Variants in PFKM observed in about 807,000 individuals in gnomAD.
PFKM encodes the protein phosphofructokinase, muscle, also known as ATP-dependent 6-phosphofructokinase, muscle type.
A neutral mutation model predicts 95.5 loss-of-function variants in PFKM; 58 were observed. The observed-to-expected ratio is 0.61, with a 90% CI of 0.49 to 0.76. PFKM has a LOEUF of 0.76. Ranked by LOEUF, PFKM falls within the 30% of genes least tolerant of loss-of-function variation. The probability of loss-of-function intolerance (pLI) is 0.00; values close to 1 mark genes in which losing one functional copy is unlikely to be tolerated. For synonymous variants in PFKM, 336 were observed against 357.2 expected (o/e 0.94, Z 0.67); for missense variants, 678 against 1,005.4 (o/e 0.67, Z 4.40).
chr12:48,117,576 G>A (rs1947781167), upstream of PFKM, among the ~76,000 whole-genome samples: 1 of 152,230 alleles, frequency 6.6e-6, no homozygotes, highest in Admixed American at 6.5e-5. Context: ...GTTCGCTAAT[G>A]ACATATGATG....
At chr12:48,126,348 G>C (rs2137976758) in intron 2 of PFKM, among the ~76,000 whole-genome samples, 1 of 152,268 alleles carries the variant, frequency 6.6e-6, no homozygotes, top group African/African-American at 2.4e-5. Flanking sequence ...TAGGGAACTA[G>C]GGGTTTGAGG....
chr12:48,128,231 C>T (rs1295808720), intron 2 of PFKM, among the ~76,000 whole-genome samples: 2 of 151,892 alleles, frequency 1.3e-5, no homozygotes, highest in Non-Finnish European at 2.9e-5. Flanking sequence ...GGCTTAGATA[C>T]TCTTTGTCCC....
chr12:48,144,578 G>A (rs1950859999), intron 20 of PFKM, among the ~76,000 whole-genome samples: 1 of 152,062 alleles, frequency 6.6e-6, no homozygotes, highest in Non-Finnish European at 1.5e-5. Context: ...TTTCCCACCT[G>A]CTTCCTCTTA....
Position 48,137,808 on chromosome 12 carries a change from C to T in PFKM, c.1024C>T (p.Gln342Ter), listed in dbSNP as rs775564606. 1 of 1,614,138 alleles carries T rather than the reference C, an allele frequency of 6.2e-7. No individual in the cohort carries two copies. The highest frequency in any genetic ancestry group is 8.5e-7 in the Non-Finnish European group (1 of 1,179,988). The change falls in exon 11 of 23, where the codon CAG becomes TAG. Residue 342 changes from glutamine (Q) to a stop codon, truncating the protein, a stop_gained. Transcript: ENST00000359794. LOFTEE classifies it high-confidence loss of function. ...PACVVSLSGNQAVRLPLMECV... is the reference protein window; with the variant it reads ...PACVVSLSGN ...CTGTGTAGTGAGCCTCTCTGGTAACCAGGCTGTGCGCCTGCCCCTCATGGA... is the reference window on the plus strand; with the variant it reads ...CTGTGTAGTGAGCCTCTCTGGTAACTAGGCTGTGCGCCTGCCCCTCATGGA...
At position 48,145,723 on chromosome 12, in the gene PFKM, A is replaced by AG; in HGVS notation, c.*19dup. 1 of 1,613,556 alleles carries AG rather than the reference A, an allele frequency of 6.2e-7. No individual in the cohort carries two copies. The highest frequency in any genetic ancestry group is 8.5e-7 in the Non-Finnish European group (1 of 1,179,516). ...CTGCCGTCTAAACCTCTCTGGAGTG[A>AG]GGGGAATAGATTACCTGATCATGGT... On this transcript the variant is annotated 3_prime_UTR_variant, in exon 23 of 23. Transcript: ENST00000359794. The surrounding 1 kb of genome is among the most constrained non-coding windows in gnomAD (Gnocchi z 4.3).
chr12:48,143,950 T>C (rs757587219), intron 19 of PFKM, 96 bp from the exon 20 acceptor site: 5 of 1,124,080 alleles, frequency 4.4e-6, no homozygotes, highest in Non-Finnish European at 6.8e-6. Flanking sequence ...CCTTGAATCC[T>C]TGGAGGAGAT....
At chr12:48,128,281 T>TCTC (rs1565874562) in intron 2 of PFKM, among the ~76,000 whole-genome samples, 16 of 137,694 alleles carry the variant, frequency 1.2e-4, no homozygotes, top group Admixed American at 1.1e-3. Flanking sequence ...CTCTCTCTCT[T>TCTC]TTTTTCGAGA....
At chr12:48,110,264 A>G (rs1247507173) in intron 3 of PFKM, among the ~76,000 whole-genome samples, 1 of 152,186 alleles carries the variant, frequency 6.6e-6, no homozygotes, top group Non-Finnish European at 1.5e-5. Flanking sequence ...GATGGGAGGA[A>G]TAGCGGGAGA....
intron 10 of PFKM, among the ~76,000 whole-genome samples, chr12:48,136,509 T>C (rs963645225): frequency 4.6e-5 from 7 of 152,110 alleles, no homozygotes; most frequent in Non-Finnish European, 8.8e-5. Context: ...TGAACTTAAA[T>C]TTTCATTTCT....
chr12:48,122,890 G>A (rs775858992), intron 2 of PFKM, 31 bp downstream of exon 2: 2 of 1,605,224 alleles, frequency 1.2e-6, no homozygotes, highest in South Asian at 2.2e-5. Context: ...AACATGGCTG[G>A]TGGGACTTTT....
intron 13 of PFKM, 100 bp from the exon 14 acceptor site, chr12:48,140,622 G>A: frequency 5.3e-6 from 6 of 1,137,994 alleles, no homozygotes; most frequent in Non-Finnish European, 8.0e-6. Flanking sequence ...CCTGATCCCT[G>A]GATGACAAGG....
upstream of PFKM, among the ~76,000 whole-genome samples, chr12:48,115,161 A>G (rs1056235790): frequency 8.5e-5 from 13 of 152,326 alleles, no homozygotes; most frequent in African/African-American, 2.9e-4. Flanking sequence ...TCAGACACCA[A>G]TGGAACATGG....
rs763839998 is a variant in PFKM at position 48,142,791 on chromosome 12, C to T, written c.1663C>T (p.Arg555Cys). Reference protein sequence around the residue: ...ALNTICTTCDRIKQSAAGTKR... With the variant: ...ALNTICTTCDCIKQSAAGTKR... ...CCCATTGTCCTTGCAGACCTGTGACCGCATCAAGCAGTCAGCAGCTGGCAC... is the reference window on the plus strand; with the variant it reads ...CCCATTGTCCTTGCAGACCTGTGACTGCATCAAGCAGTCAGCAGCTGGCAC... The change falls in exon 18 of 23, where the codon CGC becomes TGC. Residue 555 changes from arginine to cysteine, a missense_variant. Physicochemically the swap from Arg to Cys is radical, Grantham distance 180. Transcript: ENST00000359794. 8.7e-6 allele frequency: 14 copies of T among 1,613,658 alleles called. No individual in the cohort carries two copies. Among genetic ancestry groups the T allele is most frequent in the Admixed American group, 3.3e-5 (2 of 59,982 alleles).
At position 48,141,780 on chromosome 12, in the gene PFKM, A is replaced by G; in HGVS notation, c.1453A>G (p.Ile485Val). ...KKSFEQISAN[I>V]TKFNIQGLVI... The stretch of plus-strand genomic sequence containing the variant: ...GAGCTTTGAACAGATCAGTGCCAAT[A>G]TAACTAAGTTTAACATTCAGGGCCT... Residue 485 changes from isoleucine (I) to valine (V), a missense_variant, in exon 16 of 23, where the codon ATA becomes GTA. Physicochemically the swap from Ile to Val is conservative, Grantham distance 29. Transcript: ENST00000359794. 6.2e-7 allele frequency: 1 copy of G among 1,613,940 alleles called. No homozygotes were observed. The highest frequency in any genetic ancestry group is 8.5e-7 in the Non-Finnish European group (1 of 1,179,862).
intron 1 of PFKM, among the ~76,000 whole-genome samples, chr12:48,120,366 C>T (rs1378487982): frequency 2.0e-5 from 3 of 152,124 alleles, no homozygotes; most frequent in African/African-American, 2.4e-5. Flanking sequence ...AGTTCATTAA[C>T]GTTTTCAACA....
intron 5 of PFKM, 93 bp from the exon 6 acceptor site, chr12:48,133,222 C>A: frequency 7.5e-7 from 1 of 1,336,282 alleles, no homozygotes. Flanking sequence ...TCTACAATTC[C>A]TTTTGGCTAG....
At chr12:48,144,960 C>T (rs1253021640) in intron 20 of PFKM, 71 bp from the exon 21 acceptor site, 2 of 1,096,576 alleles carry the variant, frequency 1.8e-6, no homozygotes, top group Non-Finnish European at 2.8e-6. Context: ...CTTTTTTTCT[C>T]TGTGTGTCTA....
At chr12:48,134,547 G>A (rs774496527) in intron 7 of PFKM, among the ~76,000 whole-genome samples, 174 bp from the exon 8 acceptor site, 7 of 152,198 alleles carry the variant, frequency 4.6e-5, no homozygotes, top group East Asian at 1.9e-4. Flanking sequence ...GAAGGTATCC[G>A]TTAGAGACAG....
At chr12:48,131,948 G>T (rs1949543162) in intron 4 of PFKM, 1 of 452,226 alleles carries the variant, frequency 2.2e-6, no homozygotes, top group African/African-American at 2.0e-5. Context: ...CCCACAGTGA[G>T]TGAGAGAAAT....
Sources: gnomAD v4.1 joint callset for allele counts (sites outside exome capture counted in the v4.1 genomes callset) on GRCh38, gnomAD v4.1.1 for gene constraint, Gnocchi (gnomAD v3.1) non-coding constraint, MANE v1.5 for transcripts, NCBI Gene and HGNC (gene_info 2026-07-23, HGNC 2026-07-21) for gene names.